ITPR2: variants seen among roughly 807,000 people sequenced by gnomAD.
ITPR2 encodes inositol 1,4,5-trisphosphate receptor type 2.
Under a neutral mutation model 317.1 loss-of-function variants are expected in ITPR2, and 207 were observed. The observed-to-expected ratio is 0.65, with a 90% confidence interval of 0.58 to 0.73. ITPR2 has a LOEUF of 0.73. Among genes scored for constraint, ITPR2 ranks in the 30% least tolerant of loss-of-function variants. The pLI, the probability that ITPR2 is intolerant of heterozygous loss-of-function variation, is 0.00. For missense variants in ITPR2, 2,613 were observed against 3,284.0 expected (o/e 0.80, Z 4.99); for synonymous variants, 1,156 against 1,149.1 (o/e 1.01, Z -0.12).
At chr12:26,746,109 G>T (rs1367305614) in intron 2 of ITPR2, among the ~76,000 whole-genome samples, 2 of 151,614 alleles carry the variant, frequency 1.3e-5, no homozygotes, top group Non-Finnish European at 2.9e-5. Context: ...GAAGAATAGG[G>T]GTTGGAGGCA....
chr12:26,438,530 A>G (rs1941413063), intron 47 of ITPR2, among the ~76,000 whole-genome samples: 1 of 152,208 alleles, frequency 6.6e-6, no homozygotes, highest in Non-Finnish European at 1.5e-5. Context: ...TTAAATTTTA[A>G]AAGTCAGTGT....
chr12:26,749,975 C>T (rs1042134242), intron 2 of ITPR2, among the ~76,000 whole-genome samples: 2 of 152,188 alleles, frequency 1.3e-5, no homozygotes, highest in African/African-American at 4.8e-5. Flanking sequence ...CAAGTAGCAA[C>T]AAGTTTTTAG....
At chr12:26,464,792 G>A (rs1367093114) in intron 45 of ITPR2, among the ~76,000 whole-genome samples, 3 of 152,202 alleles carry the variant, frequency 2.0e-5, no homozygotes, top group Non-Finnish European at 4.4e-5. Context: ...GGCGTGGTGT[G>A]CCATGGGCAC....
intron 2 of ITPR2, among the ~76,000 whole-genome samples, chr12:26,762,137 C>G (rs1052237370): frequency 1.3e-5 from 2 of 151,648 alleles, no homozygotes; most frequent in African/African-American, 2.4e-5. Context: ...TTACGGGGTC[C>G]CAGAAGGAAT....
At chr12:26,408,319 T>A (rs954119379) in intron 52 of ITPR2, among the ~76,000 whole-genome samples, 4 of 152,160 alleles carry the variant, frequency 2.6e-5, no homozygotes, top group African/African-American at 9.7e-5. Context: ...ATCATCAAGG[T>A]TTGTACTGAA....
At chr12:26,808,833 A>G (rs1950681812) in intron 1 of ITPR2, among the ~76,000 whole-genome samples, 1 of 152,246 alleles carries the variant, frequency 6.6e-6, no homozygotes. Context: ...ACTCTAACAC[A>G]GAGGTGTGTT....
chr12:26,557,316 C>T (rs1300419574), intron 35 of ITPR2, among the ~76,000 whole-genome samples: 1 of 152,190 alleles, frequency 6.6e-6, no homozygotes, highest in African/African-American at 2.4e-5. Flanking sequence ...CTGAGTCAGG[C>T]CACAACATTC....
chr12:26,775,875 G>A (rs1949951712), intron 2 of ITPR2, among the ~76,000 whole-genome samples: 1 of 126,280 alleles, frequency 7.9e-6, no homozygotes, highest in Admixed American at 7.9e-5. Context: ...CTTGCTGATG[G>A]CCTATTGCAG....
At chr12:26,608,606 G>A (rs906292666) in intron 26 of ITPR2, among the ~76,000 whole-genome samples, 5 of 151,360 alleles carry the variant, frequency 3.3e-5, no homozygotes, top group Non-Finnish European at 5.9e-5. Flanking sequence ...CTGCTTGGCC[G>A]CCCCACTGTC....
At chr12:26,806,450 G>T (rs1950640174) in intron 1 of ITPR2, among the ~76,000 whole-genome samples, 1 of 151,658 alleles carries the variant, frequency 6.6e-6, no homozygotes, top group Non-Finnish European at 1.5e-5. Context: ...TACACTGTTT[G>T]TTACACATTA....
At chr12:26,474,750 C>T (rs1942373304) in intron 45 of ITPR2, among the ~76,000 whole-genome samples, 1 of 145,130 alleles carries the variant, frequency 6.9e-6, no homozygotes, top group African/African-American at 2.5e-5. Flanking sequence ...GCCGAGATCC[C>T]GCCACTGCAC....
rs1937985956 is a variant in ITPR2 at position 26,338,253 on chromosome 12, T to G, written c.*1144A>C. ...ATTCTCTCCCTCGACAAATTCTGAGTGCATGATTTAATACAAAAACAATTT... is the reference window on the plus strand; with the variant it reads ...ATTCTCTCCCTCGACAAATTCTGAGGGCATGATTTAATACAAAAACAATTT... On this transcript the variant is annotated 3_prime_UTR_variant, in exon 57 of 57. Coordinates refer to ENST00000381340, the MANE Select transcript of ITPR2 (RefSeq NM_002223.4). The G allele has an allele frequency of 6.6e-6, 1 of 152,638 alleles. No homozygotes were observed. The highest frequency in any genetic ancestry group is 6.5e-5 in the Admixed American group (1 of 15,278). 9.5% of individuals were successfully genotyped at this position (152,638 alleles called of 1,614,324 possible). A position where few individuals can be genotyped will look rare whatever the true frequency, so the allele number is the denominator to read the frequency against.
At chr12:26,640,751 G>T (rs1946965464) in intron 21 of ITPR2, among the ~76,000 whole-genome samples, 1 of 54,916 alleles carries the variant, frequency 1.8e-5, no homozygotes, top group Non-Finnish European at 3.3e-5. Context: ...AAATATTAGG[G>T]TCTCTAAATA....
intron 20 of ITPR2, among the ~76,000 whole-genome samples, chr12:26,655,241 C>G (rs1428361297): frequency 1.3e-5 from 2 of 152,026 alleles, no homozygotes; most frequent in African/African-American, 4.8e-5. Flanking sequence ...AACAAAAAAT[C>G]AAGGGAAATA....
chr12:26,495,459 T>C, intron 37 of ITPR2, 199 bp from the exon 38 acceptor site: 1 of 498,354 alleles, frequency 2.0e-6, no homozygotes, highest in Non-Finnish European at 3.6e-6. Context: ...TCATAATAAA[T>C]AAAGAGGGTG....
In ITPR2 at chr12:26,655,656, A is replaced by C; in HGVS notation, c.2589+52T>G. The stretch of plus-strand genomic sequence containing the variant: ...AAGCAGAGAAAATAATACCTTCATG[A>C]ACTAAACTACCCAGTTACCAAAACA... On this transcript the variant is annotated intron_variant, in intron 20 of 56. Coordinates refer to ENST00000381340, the MANE Select transcript of ITPR2 (RefSeq NM_002223.4). 12 of 1,441,996 alleles carry C rather than the reference A, an allele frequency of 8.3e-6. No homozygotes were observed. In the South Asian group the frequency reaches 1.5e-4, roughly 18 times the overall value. The allele number at this position is 1,441,996 out of a possible 1,614,324, so 89.3% of individuals were successfully genotyped here. A position where few individuals can be genotyped will look rare whatever the true frequency, so the allele number is the denominator to read the frequency against.
intron 36 of ITPR2, among the ~76,000 whole-genome samples, chr12:26,552,654 A>G (rs1360847811): frequency 1.3e-5 from 2 of 152,206 alleles, no homozygotes; most frequent in Non-Finnish European, 2.9e-5. Flanking sequence ...AGGAAAGTGA[A>G]GCCTGCCTTT....
intron 2 of ITPR2, among the ~76,000 whole-genome samples, chr12:26,776,334 A>G (rs1008484377): frequency 4.6e-5 from 7 of 152,192 alleles, no homozygotes; most frequent in Non-Finnish European, 8.8e-5. Flanking sequence ...AAGTGATGAA[A>G]GAAAATGAGG....
At chr12:26,771,246 T>C (rs543796993) in intron 2 of ITPR2, among the ~76,000 whole-genome samples, 1 of 152,086 alleles carries the variant, frequency 6.6e-6, no homozygotes, top group Non-Finnish European at 1.5e-5. Flanking sequence ...TATATGACTA[T>C]GAGATATGAG....
Sources: gnomAD v4.1 joint callset for allele counts (sites outside exome capture counted in the v4.1 genomes callset) on GRCh38, gnomAD v4.1.1 for gene constraint, MANE v1.5 for transcripts, NCBI Gene and HGNC (gene_info 2026-07-23, HGNC 2026-07-21) for gene names.